The following ZMIZ1 variants were observed in gnomAD, a reference collection of about 807,000 sequenced individuals.
ZMIZ1 encodes the protein zinc finger MIZ-type containing 1, also known as zinc finger MIZ domain-containing protein 1.
A neutral mutation model predicts 113.9 loss-of-function variants in ZMIZ1; 17 were observed. The observed-to-expected ratio is 0.15, with a 90% CI of 0.10 to 0.22. The LOEUF (loss-of-function observed/expected upper bound fraction) is 0.22. ZMIZ1 is among the 10% of genes least tolerant of loss of function. ZMIZ1 has a pLI of 1.00. For synonymous variants in ZMIZ1, 607 were observed against 603.1 expected (o/e 1.01, Z -0.09); for missense variants, 1,059 against 1,477.8 (o/e 0.72, Z 4.65).
chr10:79,292,049 C>T (rs1853527279), intron 10 of ZMIZ1, 109 bp from the exon 11 acceptor site: 1 of 1,119,506 alleles, frequency 8.9e-7, no homozygotes, highest in Non-Finnish European at 1.3e-6. Context: ...GCCCCGTCCC[C>T]TCTAGGTTCT....
intron 1 of ZMIZ1, among the ~76,000 whole-genome samples, chr10:79,104,994 T>TGTGC (rs995816139): frequency 2.7e-5 from 4 of 146,616 alleles, no homozygotes; most frequent in African/African-American, 1.0e-4. Flanking sequence ...TGTGTGTGTG[T>TGTGC]CTTAACTGCC....
intron 4 of ZMIZ1, among the ~76,000 whole-genome samples, chr10:79,169,420 A>C (rs1846511756): frequency 6.6e-6 from 1 of 152,196 alleles, no homozygotes; most frequent in Non-Finnish European, 1.5e-5. Context: ...AGAACCTATA[A>C]ATAATCTGGA....
At chr10:79,199,119 G>C (rs1436451651) in intron 4 of ZMIZ1, among the ~76,000 whole-genome samples, 1 of 152,098 alleles carries the variant, frequency 6.6e-6, no homozygotes, top group Admixed American at 6.6e-5. Flanking sequence ...TTGTCTGAGG[G>C]CTCAAGCCTT....
intron 7 of ZMIZ1, among the ~76,000 whole-genome samples, chr10:79,269,968 C>G (rs1279714656): frequency 6.6e-6 from 1 of 152,236 alleles, no homozygotes; most frequent in Admixed American, 6.5e-5. Context: ...GATCCACCCT[C>G]CTCACCTGGC....
At chr10:79,195,706 T>C (rs1847804812) in intron 4 of ZMIZ1, among the ~76,000 whole-genome samples, 1 of 152,058 alleles carries the variant, frequency 6.6e-6, no homozygotes, top group Admixed American at 6.6e-5. Flanking sequence ...TTTGGGCAGG[T>C]TGGGTGGAAC....
chr10:79,090,358 T>C (rs1394287038), intron 1 of ZMIZ1, among the ~76,000 whole-genome samples: 1 of 152,150 alleles, frequency 6.6e-6, no homozygotes, highest in Non-Finnish European at 1.5e-5. Context: ...CCCCTGTGGC[T>C]GTGGCAAGAT....
intron 7 of ZMIZ1, among the ~76,000 whole-genome samples, chr10:79,274,390 G>C (rs1852138552): frequency 6.6e-6 from 1 of 152,226 alleles, no homozygotes; most frequent in Non-Finnish European, 1.5e-5. Flanking sequence ...TGACTGGCCA[G>C]GCGCACCCAG....
At chr10:79,285,835 C>CGGA (rs1235279338) in intron 8 of ZMIZ1, among the ~76,000 whole-genome samples, 4 of 152,198 alleles carry the variant, frequency 2.6e-5, no homozygotes, top group South Asian at 2.1e-4. Flanking sequence ...AAGGGCTTCC[C>CGGA]GGAGGAGGTG....
In ZMIZ1 at chr10:79,307,533, G is replaced by T. The variant is rs564013110; in HGVS notation, c.2797G>T (p.Ala933Ser). ...CCCGGACATGCCCAACAACATGGCC[G>T]CCCTCGAGAAACCCCTCAGCCACCC... ...HPPDMPNNMA[A>S]LEKPLSHPMQ... Residue 933 changes from alanine (A) to serine (S), a missense_variant, in exon 23 of 25, where the codon GCC becomes TCC. Physicochemically the swap from Ala to Ser is moderately conservative, Grantham distance 99. Around this residue, in one of 6 missense-constraint regions of ZMIZ1, gnomAD observed 225 missense variants for 276.0 expected, o/e 0.82. Coordinates refer to ENST00000334512, the MANE Select transcript of ZMIZ1 (RefSeq NM_020338.4). The T allele has an allele frequency of 6.3e-7, 1 of 1,594,402 alleles. No individual in the cohort carries two copies. Among genetic ancestry groups the T allele is most frequent in the Non-Finnish European group, 8.5e-7 (1 of 1,174,182 alleles).
intron 13 of ZMIZ1, among the ~76,000 whole-genome samples, 182 bp from the exon 14 acceptor site, chr10:79,297,431 G>C (rs1012253612): frequency 6.6e-6 from 1 of 152,222 alleles, no homozygotes; most frequent in African/African-American, 2.4e-5. Flanking sequence ...GCTAGGGACA[G>C]AGAGAGGCAA....
rs1848459917 is a variant in ZMIZ1 at position 79,209,599 on chromosome 10, G to A, written c.174+1150G>A. Among the ~76,000 whole-genome samples, 3 of 152,258 alleles carry A rather than the reference G, an allele frequency of 2.0e-5. No homozygotes were observed. The South Asian group carries it at 6.2e-4, about 31-fold the overall frequency. ...ATGGCCCACGGGCACCAGGCTTCCT[G>A]AAAAGCTGGAAGGAGACAAAAGGCC... is the stretch of plus-strand genomic sequence containing the variant. On this transcript the variant is annotated intron_variant, in intron 6 of 24. Transcript: ENST00000334512.
In ZMIZ1 at chr10:79,082,254, C is replaced by T. The variant is rs114201348; in HGVS notation, c.-337+12984C>T. The stretch of plus-strand genomic sequence containing the variant: ...ATGGTCTTGGTAAGACAGCTGGCTC[C>T]TCCAGCCTGGGGGCCGCTGCCCTAT... On this transcript the variant is annotated intron_variant, in intron 1 of 24. Coordinates refer to ENST00000334512, the MANE Select transcript of ZMIZ1 (RefSeq NM_020338.4). 5.3e-3 allele frequency among the ~76,000 whole-genome samples: 808 copies of T among 152,372 alleles called. 11 individuals are homozygous for T. The highest frequency in any genetic ancestry group is 0.018 in the African/African-American group (764 of 41,582).
chr10:79,210,062 C>A (rs546495957), intron 6 of ZMIZ1, among the ~76,000 whole-genome samples: 4 of 152,264 alleles, frequency 2.6e-5, no homozygotes, highest in Non-Finnish European at 5.9e-5. Context: ...TCCGCCCCCC[C>A]AGCCCCCTAA....
At chr10:79,168,886 C>G (rs1409442357) in intron 4 of ZMIZ1, among the ~76,000 whole-genome samples, 1 of 152,188 alleles carries the variant, frequency 6.6e-6, no homozygotes, top group East Asian at 1.9e-4. Context: ...AGGGAGCTGA[C>G]TGGTTAACGG....
Position 79,240,638 on chromosome 10 carries a change from C to CTTTTTTTTTTTT in ZMIZ1, c.280+24380_280+24391dup, listed in dbSNP as rs56903717. Among the ~76,000 whole-genome samples the CTTTTTTTTTTTT allele has an allele frequency of 1.0e-3, 57 of 55,322 alleles. 6 individuals carry two copies. The highest frequency in any genetic ancestry group is 2.9e-3 in the East Asian group (3 of 1,032). 36.3% of individuals were successfully genotyped at this position (55,322 alleles called of 152,430 possible). A position where few individuals can be genotyped will look rare whatever the true frequency, so the allele number is the denominator to read the frequency against. Reference sequence around the variant, plus strand: ...CGTAAATCTAGTGAAGAGTATTTATCTTTTTTTTTTTTTTTTTTTTTTTTT... The same window carrying CTTTTTTTTTTTT: ...CGTAAATCTAGTGAAGAGTATTTATCTTTTTTTTTTTTTTTTTTTTTTTTTTTTTTTTTTTTT... On this transcript the variant is annotated intron_variant, in intron 7 of 24. Transcript: ENST00000334512.
intron 8 of ZMIZ1, among the ~76,000 whole-genome samples, chr10:79,288,620 C>A (rs574528297): frequency 2.0e-5 from 3 of 152,176 alleles, no homozygotes; most frequent in Non-Finnish European, 4.4e-5. Context: ...GGTTCCACAT[C>A]TAGAATTTTG....
In ZMIZ1 at chr10:79,293,715, G is replaced by A; in HGVS notation, c.1230+62G>A. The A allele has an allele frequency of 1.2e-6, 2 of 1,611,592 alleles. 1 individual carries two copies. Among genetic ancestry groups the A allele is most frequent in the South Asian group, 2.2e-5 (2 of 90,974 alleles). ...GGGACACCTGGGCTTGAAGACATGG[G>A]CCGTGGGTACGGCTTTGGAAGGGGT... is the stretch of plus-strand genomic sequence containing the variant. On this transcript the variant is annotated intron_variant, in intron 12 of 24. Coordinates refer to ENST00000334512, the MANE Select transcript of ZMIZ1 (RefSeq NM_020338.4).
At chr10:79,187,303 C>G (rs998948921) in intron 4 of ZMIZ1, among the ~76,000 whole-genome samples, 2 of 152,220 alleles carry the variant, frequency 1.3e-5, no homozygotes, top group African/African-American at 4.8e-5. Context: ...CTGGCTCTAG[C>G]CCGGCGGACA....
At position 79,299,081 on chromosome 10, in the gene ZMIZ1, C is replaced by T; in HGVS notation, c.1698C>T (p.Phe566=). 1.9e-6 allele frequency: 3 copies of T among 1,612,412 alleles called. No homozygotes were observed. The highest frequency in any genetic ancestry group is 2.5e-6 in the Non-Finnish European group (3 of 1,179,658). The change falls in exon 16 of 25, where the codon TTC becomes TTT. Residue 566 remains phenylalanine, a synonymous_variant. Transcript: ENST00000334512. ...ACAATGACGAGCTGCGGCTCACATT[C>T]CCTGTGCGGGATGGCGTGGTGCTGG... ...ANHNDELRLT[F]PVRDGVVLEP... is the part of the protein sequence containing the mutation.
Sources: allele counts gnomAD v4.1 joint callset (sites outside exome capture counted in the v4.1 genomes callset), GRCh38; gene constraint gnomAD v4.1.1; regional missense constraint gnomAD v4.1.1; transcripts MANE v1.5; gene names NCBI Gene and HGNC (gene_info 2026-07-23, HGNC 2026-07-21).